Variants in DYSF observed in about 807,000 individuals in gnomAD.
DYSF encodes the protein dystrophy-associated fer-1-like 1.
Under a neutral mutation model 274.9 loss-of-function variants are expected in DYSF, and 212 were observed. The ratio of observed to expected loss-of-function variants is 0.77; its 90% CI spans 0.69 to 0.86. The LOEUF (loss-of-function observed/expected upper bound fraction) is 0.86, where lower values mean the gene tolerates loss of function less well. Ranked by LOEUF, DYSF falls within the 40% of genes least tolerant of loss-of-function variation. The pLI is 0.00. For synonymous variants in DYSF, 1,091 were observed against 1,078.7 expected, an observed-to-expected ratio of 1.01 and a Z score of -0.22; for missense variants, 2,666 against 2,783.2, an observed-to-expected ratio of 0.96 and a Z score of 0.95.
upstream of DYSF, among the ~76,000 whole-genome samples, chr2:71,463,094 C>T (rs900939984): frequency 3.9e-5 from 6 of 152,310 alleles, no homozygotes; most frequent in East Asian, 7.7e-4. Flanking sequence ...ATCAACATGT[C>T]GTCTAGGGCA....
At chr2:71,460,301 C>G (rs2081234956) in intron 1 of DYSF, among the ~76,000 whole-genome samples, 1 of 152,296 alleles carries the variant, frequency 6.6e-6, no homozygotes, top group African/African-American at 2.4e-5. Flanking sequence ...GGAGGCGTGC[C>G]GCTTCCCTTT....
intron 36 of DYSF, among the ~76,000 whole-genome samples, chr2:71,609,573 C>A (rs564362728): frequency 6.6e-6 from 1 of 152,350 alleles, no homozygotes; most frequent in South Asian, 2.1e-4. Flanking sequence ...TCATTTAATT[C>A]TCGGAGCAGC....
At chr2:71,519,150 C>G (rs918666437) in intron 10 of DYSF, among the ~76,000 whole-genome samples, 64 of 139,756 alleles carry the variant, frequency 4.6e-4, no homozygotes, top group African/African-American at 1.4e-3. Context: ...ATGGCTAGAT[C>G]AGTGGGTGAG....
In DYSF at chr2:71,466,798, T is replaced by TCCCGCC; in HGVS notation, c.-43_-38dup. 1 of 1,480,784 alleles carries TCCCGCC rather than the reference T, an allele frequency of 6.8e-7. No individual in the cohort carries two copies. The allele number at this position is 1,480,784 out of a possible 1,614,324, so 91.7% of individuals were successfully genotyped here. A position where few individuals can be genotyped will look rare whatever the true frequency, so the allele number is the denominator to read the frequency against. ...GGGTGCTCGGGCCCGGTGCTCCCGC[T>TCCCGCC]CCCGCCCTGACTGCGCGCCTGTGTG... On this transcript the variant is annotated 5_prime_UTR_variant, in exon 1 of 56. Transcript: ENST00000410020.
chr2:71,611,537 G>A lies in DYSF; in HGVS notation c.4132G>A (p.Glu1378Lys). ...ANISSPSLVV[E>K]CGGQTVQSCV... ...CATCTCCTCCCCCAGCCTCGTGGTA[G>A]AGTGTGGGGGCCAGACGGTGCAGTC... The change falls in exon 38 of 56, where the codon GAG becomes AAG. Residue 1378 changes from glutamate to lysine, a missense_variant. Around this residue, in one of 3 missense-constraint regions of DYSF, gnomAD observed 1,460 missense variants for 1,502.1 expected, o/e 0.97. Transcript: ENST00000410020. 6 of 1,613,896 alleles carry A rather than the reference G, an allele frequency of 3.7e-6. No homozygotes were observed. The highest frequency in any genetic ancestry group is 5.1e-6 in the Non-Finnish European group (6 of 1,179,946).
intron 1 of DYSF, among the ~76,000 whole-genome samples, chr2:71,455,059 C>A (rs1249300545): frequency 6.6e-6 from 1 of 152,214 alleles, no homozygotes; most frequent in African/African-American, 2.4e-5. Context: ...TCCCAGACTT[C>A]CAGAAATCAT....
At chr2:71,601,588 ATC>A in intron 35 of DYSF, 60 bp downstream of exon 35, 1 of 1,609,860 alleles carries the variant, frequency 6.2e-7, no homozygotes, top group Non-Finnish European at 8.5e-7. Context: ...TGTGTTTGGC[ATC>A]TCTCTGGGTT....
intron 40 of DYSF, among the ~76,000 whole-genome samples, chr2:71,617,793 A>G (rs2093930357): frequency 1.1e-5 from 1 of 88,412 alleles, no homozygotes; most frequent in Non-Finnish European, 2.2e-5. Context: ...TGTGTGTGGT[A>G]GAGGTGGGGT....
rs768035265 is a variant in DYSF, at chr2:71,515,718, G to A, written c.855G>A (p.Arg285=). The change falls in exon 8 of 56, where the codon CGG becomes CGA. Residue 285 remains arginine, a synonymous_variant. Coordinates refer to ENST00000410020, the MANE Select transcript of DYSF (RefSeq NM_001130987.2). ...CTGCAGGGCAGACCAAGCGGACGCG[G>A]ATCCACAAGGGAAACAGCCCACTCT... is the stretch of plus-strand genomic sequence containing the variant. ...VTAAGQTKRT[R]IHKGNSPLFN... The A allele has an allele frequency of 2.5e-6, 4 of 1,614,158 alleles. No homozygotes were observed. The highest frequency in any genetic ancestry group is 3.4e-6 in the Non-Finnish European group (4 of 1,180,024).
chr2:71,516,863 A>G lies in DYSF; in HGVS notation c.952-126A>G, dbSNP rs1185650557. The G allele has an allele frequency of 7.9e-6, 7 of 891,382 alleles. No individual in the cohort carries two copies. The Admixed American group carries it at 8.6e-5, about 11-fold the overall frequency. The allele number at this position is 891,382 out of a possible 1,614,324, so 55.2% of individuals were successfully genotyped here. ...CTGTGAGGGCTAAACACTGCTTAGA[A>G]CAGTCTCTGGAATTGAGTAAGTGTG... On this transcript the variant is annotated intron_variant, in intron 9 of 55. Transcript: ENST00000410020.
chr2:71,555,892 C>T, intron 21 of DYSF, 73 bp from the exon 22 acceptor site: 1 of 1,226,676 alleles, frequency 8.2e-7, no homozygotes, highest in Non-Finnish European at 1.2e-6. Context: ...AGTGACAAGG[C>T]CTGGGGGTTG....
At chr2:71,476,490 G>A (rs890501673) in intron 1 of DYSF, among the ~76,000 whole-genome samples, 2 of 148,190 alleles carry the variant, frequency 1.3e-5, no homozygotes, top group South Asian at 4.3e-4. Flanking sequence ...GCAGTGAGCC[G>A]AGATCACACC....
At chr2:71,465,382 C>T (rs1215287342), upstream of DYSF, among the ~76,000 whole-genome samples, 1 of 152,062 alleles carries the variant, frequency 6.6e-6, no homozygotes, top group Non-Finnish European at 1.5e-5. Context: ...TTCTCTGCTC[C>T]GTAAAGAGGA....
At chr2:71,556,886 C>A (rs773771103) in intron 22 of DYSF, among the ~76,000 whole-genome samples, 1 of 152,206 alleles carries the variant, frequency 6.6e-6, no homozygotes, top group Non-Finnish European at 1.5e-5. Flanking sequence ...TGCTCCCATA[C>A]GCCTCATCAC....
rs1282743218 is a variant in DYSF at position 71,511,850 on chromosome 2, C to T, written c.389C>T (p.Ala130Val). The T allele has an allele frequency of 6.4e-7, 1 of 1,551,718 alleles. No homozygotes were observed. Among genetic ancestry groups the T allele is most frequent in the Admixed American group, 2.0e-5 (1 of 51,010 alleles). The change falls in exon 5 of 56, where the codon GCT (alanine) becomes GTT (valine). Residue 130 changes from alanine to valine, a missense_variant. Coordinates refer to ENST00000410020, the MANE Select transcript of DYSF (RefSeq NM_001130987.2). ...GTGTCCTACACACCGCTGCCTGGAG[C>T]TGTGCCCCTGTTCCCGCCCCCTACT... ...LQVSYTPLPG[A>V]VPLFPPPTPL...
intron 36 of DYSF, among the ~76,000 whole-genome samples, chr2:71,605,131 T>A (rs2093622654): frequency 6.6e-6 from 1 of 152,146 alleles, no homozygotes; most frequent in Non-Finnish European, 1.5e-5. Context: ...CGGTCTGCAT[T>A]TTCTTTGTCT....
In DYSF at chr2:71,528,380, G is replaced by A. The variant is rs2152751330; in HGVS notation, c.1359G>A (p.Glu453=). The part of the protein sequence containing the change: ...NKKNLVDPFV[E]VSFAGKMLCS... ...AGAACTTGGTGGACCCCTTTGTGGA[G>A]GTCAGCTTTGCGGGGAAAATGGTAA... Residue 453 remains glutamate (E), a synonymous_variant, in exon 14 of 56, where the codon GAG becomes GAA. Coordinates refer to ENST00000410020, the MANE Select transcript of DYSF (RefSeq NM_001130987.2). 6.2e-7 allele frequency: 1 copy of A among 1,614,144 alleles called. No homozygotes were observed. Among genetic ancestry groups the A allele is most frequent in the Admixed American group, 1.7e-5 (1 of 60,024 alleles).
At chr2:71,659,887 C>T (rs1006026735) in intron 44 of DYSF, among the ~76,000 whole-genome samples, 22 of 152,232 alleles carry the variant, frequency 1.4e-4, no homozygotes, top group Non-Finnish European at 2.6e-4. Flanking sequence ...CTCTTGTCTC[C>T]TGAGGCAGGT....
intron 24 of DYSF, among the ~76,000 whole-genome samples, chr2:71,567,127 G>T (rs1344639481): frequency 1.3e-5 from 2 of 152,198 alleles, no homozygotes; most frequent in East Asian, 1.9e-4. Context: ...TCTGACCTTT[G>T]GTTTCAATCA....
Sources: allele counts gnomAD v4.1 joint callset (sites outside exome capture counted in the v4.1 genomes callset), GRCh38; gene constraint gnomAD v4.1.1; regional missense constraint gnomAD v4.1.1; transcripts MANE v1.5; gene names NCBI Gene and HGNC (gene_info 2026-07-23, HGNC 2026-07-21).